ANKRD42: variants seen among roughly 807,000 people sequenced by gnomAD.
ANKRD42 encodes the protein ankyrin repeat domain 42.
Under a neutral mutation model 51.5 loss-of-function variants are expected in ANKRD42, and 43 were observed. That is an observed-to-expected ratio of 0.83 (90% CI 0.65 to 1.08). The LOEUF is 1.08. Ranked by LOEUF, ANKRD42 falls within the 50% of genes least tolerant of loss-of-function variation. The probability of loss-of-function intolerance (pLI) is 0.00; values close to 1 mark genes in which losing one functional copy is unlikely to be tolerated. For missense variants in ANKRD42, 608 were observed against 629.3 expected, an observed-to-expected ratio of 0.97 and a Z score of 0.36; for synonymous variants, 203 against 213.0, an observed-to-expected ratio of 0.95 and a Z score of 0.41.
At chr11:83,202,032 A>G (rs1446965654) in intron 2 of ANKRD42, among the ~76,000 whole-genome samples, 8 of 152,092 alleles carry the variant, frequency 5.3e-5, no homozygotes, top group Non-Finnish European at 8.8e-5. Flanking sequence ...TTTTGTTGCA[A>G]TTGCTTTTGG....
Position 83,247,904 on chromosome 11 carries a change from C to T in ANKRD42, c.1323-39C>T, listed in dbSNP as rs762368512. On this transcript the variant is annotated intron_variant, in intron 10 of 10. Coordinates refer to ENST00000533342, the MANE Select transcript of ANKRD42 (RefSeq NM_001300975.2). ...ACTACTAAAAGTAATTATTAGTTGA[C>T]ATTGATGATTGATTTTTAAAAAATT... The T allele has an allele frequency of 3.3e-6, 5 of 1,514,784 alleles. No homozygotes were observed. The East Asian group carries it at 9.1e-5, about 27-fold the overall frequency. The allele number at this position is 1,514,784 out of a possible 1,614,324, so 93.8% of individuals were successfully genotyped here.
chr11:83,195,711 T>G (rs541755064), intron 1 of ANKRD42, among the ~76,000 whole-genome samples: 1 of 152,204 alleles, frequency 6.6e-6, no homozygotes, highest in Non-Finnish European at 1.5e-5. Context: ...CATTCCAGTT[T>G]AGTTCATTCT....
intron 7 of ANKRD42, among the ~76,000 whole-genome samples, chr11:83,232,135 TG>T (rs200455755): frequency 0.022 from 3,315 of 150,754 alleles, 109 homozygotes; most frequent in African/African-American, 0.076. Context: ...CCGTGCAGAA[TG>T]TCATTGGTAT....
At chr11:83,225,940 A>G (rs941672640) in intron 6 of ANKRD42, among the ~76,000 whole-genome samples, 2 of 151,964 alleles carry the variant, frequency 1.3e-5, no homozygotes, top group African/African-American at 4.8e-5. Context: ...TATATATATG[A>G]GTTGGGGTCT....
Position 83,213,058 on chromosome 11 carries a change from G to A in ANKRD42, c.586+1628G>A, listed in dbSNP as rs1590976916. On this transcript the variant is annotated intron_variant, in intron 5 of 10. Coordinates refer to ENST00000533342, the MANE Select transcript of ANKRD42 (RefSeq NM_001300975.2). ...CCAGGATCATCAAAAAGAGAACTAA[G>A]AAGTTCTTCCGGCACCAGACTGACT... 2.5e-6 allele frequency: 4 copies of A among 1,600,190 alleles called. No individual in the cohort carries two copies. In the East Asian group the frequency reaches 6.7e-5, roughly 27 times the overall value.
Position 83,245,564 on chromosome 11 carries a change from A to C in ANKRD42, c.1262A>C (p.His421Pro). The C allele has an allele frequency of 6.5e-7, 1 of 1,536,730 alleles. No individual in the cohort carries two copies. The highest frequency in any genetic ancestry group is 1.4e-5 in the African/African-American group (1 of 73,164). ...GAAATTGCCGAGAGCAACTATAAACACTTGGGAGGCATAACAGAAGAAGAT... is the reference window on the plus strand; with the variant it reads ...GAAATTGCCGAGAGCAACTATAAACCCTTGGGAGGCATAACAGAAGAAGAT... ...LLEIAESNYK[H>P]LGGITEEDLK... is the part of the protein sequence containing the mutation. Residue 421 changes from histidine (H) to proline (P), a missense_variant, in exon 10 of 11, where the codon CAC (histidine) becomes CCC (proline). By Grantham distance (77) the His-to-Pro change is moderately conservative (BLOSUM62 -2). Transcript: ENST00000533342.
At chr11:83,240,507 A>G (rs544290496) in intron 8 of ANKRD42, among the ~76,000 whole-genome samples, 25 of 152,326 alleles carry the variant, frequency 1.6e-4, no homozygotes, top group Admixed American at 6.5e-4. Flanking sequence ...CTCCATTCCC[A>G]GTGTATTTTT....
intron 2 of ANKRD42, among the ~76,000 whole-genome samples, chr11:83,200,141 C>G (rs1340740322): frequency 1.3e-5 from 2 of 151,990 alleles, no homozygotes; most frequent in South Asian, 2.1e-4. Context: ...TTTACTCTGC[C>G]ATATTCTAAT....
At position 83,236,365 on chromosome 11, in the gene ANKRD42, T is replaced by C. The variant is rs141614657; in HGVS notation, c.914-39T>C. 68 of 1,538,484 alleles carry C rather than the reference T, an allele frequency of 4.4e-5. No individual in the cohort carries two copies. The African/African-American group carries it at 7.9e-4, about 18-fold the overall frequency. ...AAATTGTTACTAATAACTAACTTTT[T>C]TGTGTGTAATTCCTGTTCTTTTTCC... is the stretch of plus-strand genomic sequence containing the variant. On this transcript the variant is annotated intron_variant, in intron 7 of 10. Transcript: ENST00000533342.
At chr11:83,229,474 G>A (rs1311398422) in intron 7 of ANKRD42, among the ~76,000 whole-genome samples, 1 of 152,138 alleles carries the variant, frequency 6.6e-6, no homozygotes, top group Non-Finnish European at 1.5e-5. Flanking sequence ...TTTAGACACA[G>A]TAGGAAAAGA....
At chr11:83,205,108 T>A (rs1160042411) in intron 2 of ANKRD42, among the ~76,000 whole-genome samples, 2 of 152,234 alleles carry the variant, frequency 1.3e-5, no homozygotes, top group Non-Finnish European at 2.9e-5. Context: ...TGGCAGTTTT[T>A]AAAATAAAGT....
At chr11:83,196,903 G>A (rs1033273948) in intron 1 of ANKRD42, among the ~76,000 whole-genome samples, 22 of 152,318 alleles carry the variant, frequency 1.4e-4, no homozygotes, top group African/African-American at 4.8e-4. Context: ...ACCAGTGGCA[G>A]TTTAGAGTAG....
chr11:83,201,443 G>A (rs918563712), intron 2 of ANKRD42, among the ~76,000 whole-genome samples: 8 of 152,256 alleles, frequency 5.3e-5, no homozygotes, highest in South Asian at 2.1e-4. Context: ...TGTGAATAGC[G>A]CTGCAGTAAA....
At chr11:83,203,388 T>C (rs998902569) in intron 2 of ANKRD42, among the ~76,000 whole-genome samples, 1 of 151,242 alleles carries the variant, frequency 6.6e-6, no homozygotes, top group Non-Finnish European at 1.5e-5. Context: ...TTTCCTTTTT[T>C]TCTTTCTTTT....
intron 7 of ANKRD42, among the ~76,000 whole-genome samples, chr11:83,228,363 G>T (rs1018255046): frequency 1.4e-5 from 2 of 147,434 alleles, no homozygotes; most frequent in Admixed American, 1.4e-4. Flanking sequence ...CTAGTAGCTG[G>T]GATTATAGGC....
intron 2 of ANKRD42, among the ~76,000 whole-genome samples, chr11:83,203,722 C>A (rs1861960037): frequency 6.6e-6 from 1 of 152,042 alleles, no homozygotes; most frequent in Admixed American, 6.6e-5. Context: ...TACGTTAACA[C>A]CTTTACAGTT....
At chr11:83,258,453 G>C (rs1863810100), downstream of ANKRD42, among the ~76,000 whole-genome samples, 1 of 152,082 alleles carries the variant, frequency 6.6e-6, no homozygotes, top group African/African-American at 2.4e-5. Flanking sequence ...CTAGTATATT[G>C]AGTGACAGCA....
intron 2 of ANKRD42, among the ~76,000 whole-genome samples, chr11:83,201,638 A>G (rs903570471): frequency 6.6e-6 from 1 of 152,174 alleles, no homozygotes; most frequent in Admixed American, 6.5e-5. Flanking sequence ...AAGAGTTCCT[A>G]TTTCTCCACA....
rs1863602276 is a variant in ANKRD42, at chr11:83,248,263, T to C, written c.*59T>C. On this transcript the variant is annotated 3_prime_UTR_variant, in exon 11 of 11. Coordinates refer to ENST00000533342, the MANE Select transcript of ANKRD42 (RefSeq NM_001300975.2). ...ACTATAAACTGGAGATGATAACTTATACTTTCTAGAGCTGATGACAGGATT... is the reference window on the plus strand; with the variant it reads ...ACTATAAACTGGAGATGATAACTTACACTTTCTAGAGCTGATGACAGGATT... 9.0e-6 allele frequency: 13 copies of C among 1,444,088 alleles called. No individual in the cohort carries two copies. Among genetic ancestry groups the C allele is most frequent in the Non-Finnish European group, 1.2e-5 (13 of 1,104,390 alleles). 89.5% of individuals were successfully genotyped at this position (1,444,088 alleles called of 1,614,324 possible). A position where few individuals can be genotyped will look rare whatever the true frequency, so the allele number is the denominator to read the frequency against.
Sources: allele counts gnomAD v4.1 joint callset (sites outside exome capture counted in the v4.1 genomes callset), GRCh38; gene constraint gnomAD v4.1.1; transcripts MANE v1.5; gene names NCBI Gene and HGNC (gene_info 2026-07-23, HGNC 2026-07-21).